Variants in SEMA6D observed in about 807,000 individuals in gnomAD.
SEMA6D encodes semaphorin 6D.
Under a neutral mutation model 106.6 loss-of-function variants are expected in SEMA6D, and 35 were observed. That is an observed-to-expected ratio of 0.33 (90% CI 0.25 to 0.44). The LOEUF (loss-of-function observed/expected upper bound fraction) is 0.44, where lower values mean the gene tolerates loss of function less well. Among genes scored for constraint, SEMA6D ranks in the 20% least tolerant of loss-of-function variants. The probability of loss-of-function intolerance (pLI) is 1.00; values close to 1 mark genes in which losing one functional copy is unlikely to be tolerated. For missense variants in SEMA6D, 1,185 were observed against 1,345.9 expected (o/e 0.88, Z 1.87); for synonymous variants, 499 against 487.7 (o/e 1.02, Z -0.31).
At chr15:47,411,905 G>A (rs969905093) in intron 1 of SEMA6D, among the ~76,000 whole-genome samples, 2 of 149,630 alleles carry the variant, frequency 1.3e-5, no homozygotes, top group Admixed American at 6.7e-5. Context: ...AAGAGTATAG[G>A]TTATCCTTGT....
At chr15:47,222,072 C>G (rs1054238304) in intron 1 of SEMA6D, among the ~76,000 whole-genome samples, 1 of 152,120 alleles carries the variant, frequency 6.6e-6, no homozygotes, top group South Asian at 2.1e-4. Context: ...TTTAAGAACT[C>G]CTGAACCAAC....
At chr15:47,414,737 C>T (rs992874151) in intron 2 of SEMA6D, among the ~76,000 whole-genome samples, 1 of 152,172 alleles carries the variant, frequency 6.6e-6, no homozygotes, top group African/African-American at 2.4e-5. Context: ...TCCTTTTCCA[C>T]TTCTGCATAT....
chr15:47,628,220 T>C (rs2077235163), intron 4 of SEMA6D, among the ~76,000 whole-genome samples: 1 of 152,098 alleles, frequency 6.6e-6, no homozygotes, highest in African/African-American at 2.4e-5. Flanking sequence ...GATAAAACTA[T>C]TATGGGCATT....
At chr15:47,198,664 AT>A (rs886102192) in intron 1 of SEMA6D, among the ~76,000 whole-genome samples, 74 of 151,756 alleles carry the variant, frequency 4.9e-4, no homozygotes, top group Non-Finnish European at 6.0e-4. Context: ...ATTGGATGAG[AT>A]TTTTTTTTCT....
intron 3 of SEMA6D, among the ~76,000 whole-genome samples, chr15:47,477,355 T>C (rs186271042): frequency 2.0e-4 from 30 of 152,092 alleles, no homozygotes; most frequent in African/African-American, 7.0e-4. Flanking sequence ...TTTAGACACA[T>C]TAAAAATGCC....
At chr15:47,689,621 T>TA (rs1281307308) in intron 4 of SEMA6D, among the ~76,000 whole-genome samples, 1 of 152,198 alleles carries the variant, frequency 6.6e-6, no homozygotes, top group Non-Finnish European at 1.5e-5. Flanking sequence ...TCAGAGCCTT[T>TA]AACAAAGAGC....
At chr15:47,220,858 CTT>C (rs1346330065) in intron 1 of SEMA6D, among the ~76,000 whole-genome samples, 2 of 152,186 alleles carry the variant, frequency 1.3e-5, no homozygotes, top group African/African-American at 2.4e-5. Flanking sequence ...GATTAATCCT[CTT>C]TGTTGTTCCT....
chr15:47,668,248 A>G (rs2078066740), intron 4 of SEMA6D, among the ~76,000 whole-genome samples: 1 of 152,134 alleles, frequency 6.6e-6, no homozygotes, highest in South Asian at 2.1e-4. Context: ...AATAATGCAC[A>G]CTGTCAATGG....
At chr15:47,471,925 TCTCTCTCACA>T (rs1353790228) in intron 3 of SEMA6D, among the ~76,000 whole-genome samples, 4 of 127,594 alleles carry the variant, frequency 3.1e-5, no homozygotes, top group African/African-American at 1.1e-4. Context: ...TCTCTCTCTC[TCTCTCTCACA>T]CACACACACA....
In SEMA6D at chr15:47,634,043, G is replaced by A. The variant is rs531815889; in HGVS notation, c.-55+33147G>A. Among the ~76,000 whole-genome samples, 141 of 152,096 alleles carry A rather than the reference G, an allele frequency of 9.3e-4. 2 individuals carry two copies. Among genetic ancestry groups the A allele is most frequent in the African/African-American group, 3.3e-3 (137 of 41,488 alleles). ...TTTTTTATCTATATCAAGAGAATTT[G>A]TAATTACTTGTTGAAGCATTTTCAT... On this transcript the variant is annotated intron_variant, in intron 4 of 19. Transcript: ENST00000558014.
At chr15:47,218,838 A>T (rs1304623563) in intron 1 of SEMA6D, among the ~76,000 whole-genome samples, 3 of 152,188 alleles carry the variant, frequency 2.0e-5, no homozygotes, top group Admixed American at 2.0e-4. Context: ...GAGAACAGGT[A>T]ATAGGCTCAG....
At chr15:47,314,602 A>T (rs1308674456) in intron 1 of SEMA6D, among the ~76,000 whole-genome samples, 1 of 139,920 alleles carries the variant, frequency 7.1e-6, no homozygotes, top group African/African-American at 2.5e-5. Context: ...CATCTCAAAA[A>T]AAAAAAAAAA....
At chr15:47,357,112 A>G (rs1000785643) in intron 1 of SEMA6D, among the ~76,000 whole-genome samples, 1 of 152,032 alleles carries the variant, frequency 6.6e-6, no homozygotes, top group African/African-American at 2.4e-5. Flanking sequence ...AGGCGGGCGG[A>G]TCACGAGGTC....
chr15:47,480,724 A>C (rs2141292236), intron 3 of SEMA6D, among the ~76,000 whole-genome samples: 1 of 152,300 alleles, frequency 6.6e-6, no homozygotes, highest in East Asian at 1.9e-4. Flanking sequence ...ATTTATTCTT[A>C]GACCCATCTC....
At chr15:47,727,265 T>C (rs186486673) in intron 1 of SEMA6D, among the ~76,000 whole-genome samples, 91 of 152,308 alleles carry the variant, frequency 6.0e-4, no homozygotes, top group Non-Finnish European at 1.2e-3. Context: ...CACAATCATA[T>C]AGGGTTAAAA....
At chr15:47,305,023 C>A (rs1425794725) in intron 1 of SEMA6D, among the ~76,000 whole-genome samples, 1 of 152,172 alleles carries the variant, frequency 6.6e-6, no homozygotes, top group African/African-American at 2.4e-5. Flanking sequence ...ATATTAGCAC[C>A]TGTTTTTCAT....
At chr15:47,719,406 G>T (rs2079292128) in intron 1 of SEMA6D, among the ~76,000 whole-genome samples, 1 of 152,170 alleles carries the variant, frequency 6.6e-6, no homozygotes, top group African/African-American at 2.4e-5. Flanking sequence ...AAAAATAACT[G>T]TAGTGTTTCC....
At chr15:47,688,688 A>G (rs1403526567) in intron 4 of SEMA6D, among the ~76,000 whole-genome samples, 1 of 152,178 alleles carries the variant, frequency 6.6e-6, no homozygotes, top group African/African-American at 2.4e-5. Flanking sequence ...TACTTGGAAG[A>G]GGACTTATTT....
rs113343050 is a variant in SEMA6D, at chr15:47,539,942, C to T, written c.-86-60923C>T. ...CTGTGTAAGGGAATGATACAAGCCT[C>T]TCTGGTCTCACAAAATGCATTAGAA... On this transcript the variant is annotated intron_variant, in intron 3 of 19. Coordinates refer to the SEMA6D transcript ENST00000558014. 2.0e-3 allele frequency among the ~76,000 whole-genome samples: 310 copies of T among 152,242 alleles called. 1 individual carries two copies. Among genetic ancestry groups the T allele is most frequent in the African/African-American group, 7.3e-3 (302 of 41,534 alleles).
Sources: gnomAD v4.1 joint callset for allele counts (sites outside exome capture counted in the v4.1 genomes callset) on GRCh38, gnomAD v4.1.1 for gene constraint, MANE v1.5 for transcripts, NCBI Gene and HGNC (gene_info 2026-07-23, HGNC 2026-07-21) for gene names.